WAPL: variants seen among roughly 807,000 people sequenced by gnomAD.
WAPL encodes the protein WAPL cohesin release factor.
In WAPL, 5 loss-of-function variants were observed where a neutral mutation model predicts 121.0. That is an observed-to-expected ratio of 0.04 (90% CI 0.02 to 0.09). WAPL has a LOEUF of 0.09. Among genes scored for constraint, WAPL ranks in the 10% least tolerant of loss-of-function variants. The pLI is 1.00. For missense variants in WAPL, 999 were observed against 1,410.8 expected (o/e 0.71, Z 4.68); for synonymous variants, 480 against 481.5 (o/e 1.00, Z 0.04).
intron 12 of WAPL, among the ~76,000 whole-genome samples, chr10:86,455,284 G>T (rs1014964553): frequency 1.7e-4 from 26 of 152,256 alleles, no homozygotes; most frequent in Non-Finnish European, 2.6e-4. Context: ...GATTGTTATT[G>T]TGTCTGTGTA....
At chr10:86,455,862 A>C (rs1841134435) in intron 12 of WAPL, among the ~76,000 whole-genome samples, 1 of 152,192 alleles carries the variant, frequency 6.6e-6, no homozygotes, top group Non-Finnish European at 1.5e-5. Context: ...ATGGAAAAGA[A>C]GGCGATATTA....
intron 2 of WAPL, among the ~76,000 whole-genome samples, chr10:86,500,968 C>A (rs1225089529): frequency 6.6e-6 from 1 of 152,130 alleles, no homozygotes; most frequent in Non-Finnish European, 1.5e-5. Context: ...AACCAAGTCC[C>A]TTAAAATTGT....
intron 4 of WAPL, among the ~76,000 whole-genome samples, chr10:86,475,330 A>AT (rs2132195967): frequency 6.6e-6 from 1 of 152,310 alleles, no homozygotes; most frequent in South Asian, 2.1e-4. Context: ...CAAATTAGAG[A>AT]TTTTCTCTTA....
intron 2 of WAPL, among the ~76,000 whole-genome samples, chr10:86,510,822 G>A (rs994072474): frequency 2.0e-5 from 3 of 152,092 alleles, no homozygotes; most frequent in Non-Finnish European, 4.4e-5. Flanking sequence ...ATTAAAAATA[G>A]TTTGGTCATC....
intron 2 of WAPL, among the ~76,000 whole-genome samples, chr10:86,507,699 T>C (rs1424084288): frequency 6.6e-6 from 1 of 151,438 alleles, no homozygotes; most frequent in Non-Finnish European, 1.5e-5. Flanking sequence ...TTCATAAACA[T>C]TAAAATCAGA....
chr10:86,473,042 A>G (rs1841568379), intron 5 of WAPL, among the ~76,000 whole-genome samples: 1 of 152,162 alleles, frequency 6.6e-6, no homozygotes. Flanking sequence ...CTCTAGTACC[A>G]TTAGAAAGAC....
intron 4 of WAPL, among the ~76,000 whole-genome samples, chr10:86,483,283 G>A (rs940108650): frequency 6.6e-6 from 1 of 152,088 alleles, no homozygotes; most frequent in Non-Finnish European, 1.5e-5. Flanking sequence ...GGCTGGGCGT[G>A]GAGGTGCATG....
At chr10:86,457,298 G>A (rs917958648) in intron 12 of WAPL, among the ~76,000 whole-genome samples, 1 of 138,320 alleles carries the variant, frequency 7.2e-6, no homozygotes, top group East Asian at 2.0e-4. Context: ...GAGACCAGCT[G>A]GGACAACATA....
intron 12 of WAPL, among the ~76,000 whole-genome samples, chr10:86,454,409 G>C (rs1036918198): frequency 6.6e-6 from 1 of 151,536 alleles, no homozygotes; most frequent in Non-Finnish European, 1.5e-5. Flanking sequence ...CTCTCTCCAC[G>C]GTCTCCCTCT....
intron 12 of WAPL, among the ~76,000 whole-genome samples, chr10:86,457,450 C>T (rs1007518849): frequency 1.7e-4 from 26 of 151,652 alleles, no homozygotes; most frequent in Admixed American, 6.6e-4. Context: ...GTCAGGAGTT[C>T]GAGACCAGCC....
chr10:86,502,928 G>C (rs1307082549), intron 2 of WAPL, among the ~76,000 whole-genome samples: 1 of 152,022 alleles, frequency 6.6e-6, no homozygotes, highest in African/African-American at 2.4e-5. Context: ...GGGAGGCCAA[G>C]GCGGGCGGAT....
intron 1 of WAPL, 136 bp from the exon 2 acceptor site, chr10:86,518,227 G>C: frequency 1.2e-6 from 1 of 843,052 alleles, no homozygotes; most frequent in Admixed American, 3.0e-5. Context: ...AAACAAATAT[G>C]AGGAAGGGGT....
rs140697784 is a variant in WAPL, at chr10:86,499,804, G to T, written c.1439C>A (p.Thr480Asn). The T allele has an allele frequency of 3.5e-5, 56 of 1,613,222 alleles. No homozygotes were observed. In the Admixed American group the frequency reaches 9.0e-4, roughly 26 times the overall value. The change falls in exon 3 of 19, where the codon ACT (threonine) becomes AAT (asparagine). Residue 480 changes from threonine (T) to asparagine (N), a missense_variant. Coordinates refer to ENST00000298767, the MANE Select transcript of WAPL (RefSeq NM_015045.5). Reference sequence around the variant, plus strand: ...CAAGGAGGGTGATGGAGCTGTTTTAGTTCTTTTTTTGCTTGTCTTTCTTTC... The same window carrying T: ...CAAGGAGGGTGATGGAGCTGTTTTATTTCTTTTTTTGCTTGTCTTTCTTTC... ...QVERKTSKKR[T>N]KTAPSPSLQP...
rs1177691051 is a variant in WAPL, at chr10:86,435,412, TTCAGAAAAGTAC to T, written c.*2119_*2130del. The stretch of plus-strand genomic sequence containing the variant: ...TGTATAAAATAAAAATAGGATTGGA[TTCAGAAAAGTAC>T]TCTACTGTTCTAATTTCCAATTGGT... On this transcript the variant is annotated 3_prime_UTR_variant, in exon 19 of 19. Transcript: ENST00000298767. 1 of 152,642 alleles carries T rather than the reference TTCAGAAAAGTAC, an allele frequency of 6.6e-6. No individual in the cohort carries two copies. Among genetic ancestry groups the T allele is most frequent in the Non-Finnish European group, 1.5e-5 (1 of 68,034 alleles). The allele number at this position is 152,642 out of a possible 1,614,324, so 9.5% of individuals were successfully genotyped here.
chr10:86,500,209 C>T lies in WAPL; in HGVS notation c.1034G>A (p.Gly345Glu). The change falls in exon 3 of 19, where the codon GGG (glycine) becomes GAG (glutamate). Residue 345 changes from glycine to glutamate, a missense_variant. This residue lies in a region of WAPL where 531 missense variants were observed against 563.1 expected (regional missense o/e 0.94). Transcript: ENST00000298767. The stretch of plus-strand genomic sequence containing the variant: ...TCCAACTGTCCCTCTAAAACTGGTC[C>T]CACAACTTACACCCCCTTTCTTTGC... ...NQAKKGGVSCGTSFRGTVGRT... is the reference protein window; with the variant it reads ...NQAKKGGVSCETSFRGTVGRT... 1 of 1,614,146 alleles carries T rather than the reference C, an allele frequency of 6.2e-7. No homozygotes were observed. The highest frequency in any genetic ancestry group is 8.5e-7 in the Non-Finnish European group (1 of 1,180,034).
intron 4 of WAPL, among the ~76,000 whole-genome samples, chr10:86,484,274 T>C (rs1012318201): frequency 3.3e-5 from 5 of 152,108 alleles, no homozygotes; most frequent in African/African-American, 9.7e-5. Context: ...GCTGGGAGGA[T>C]TGCTTGAGCC....
chr10:86,518,056 A>T lies in WAPL; in HGVS notation c.14T>A (p.Phe5Tyr). 1.9e-6 allele frequency: 3 copies of T among 1,611,570 alleles called. No homozygotes were observed. The highest frequency in any genetic ancestry group is 2.5e-6 in the Non-Finnish European group (3 of 1,179,044). ...ACCTTTCCTACTGTATGTTTTCCCA[A>T]ATCTGGATGTCATTTTGACACCAGT... MTSR[F>Y]GKTYSRKGGN... The change falls in exon 2 of 19, where the codon TTT becomes TAT. Residue 5 changes from phenylalanine to tyrosine, a missense_variant. Transcript: ENST00000298767.
At chr10:86,448,654 G>T (rs1055666315) in intron 15 of WAPL, among the ~76,000 whole-genome samples, 3 of 152,012 alleles carry the variant, frequency 2.0e-5, no homozygotes, top group Non-Finnish European at 2.9e-5. Flanking sequence ...TATTCCCATT[G>T]CCCAGGCTGG....
At chr10:86,490,699 T>G (rs988526504) in intron 4 of WAPL, among the ~76,000 whole-genome samples, 14 of 152,142 alleles carry the variant, frequency 9.2e-5, no homozygotes, top group African/African-American at 3.1e-4. Context: ...ATTGCTCATA[T>G]TATTGGAATT....
Sources: gnomAD v4.1 joint callset for allele counts (sites outside exome capture counted in the v4.1 genomes callset) on GRCh38, gnomAD v4.1.1 for gene constraint, gnomAD v4.1.1 regional missense constraint, MANE v1.5 for transcripts, NCBI Gene and HGNC (gene_info 2026-07-23, HGNC 2026-07-21) for gene names.